Variants in RBM46 observed in about 807,000 individuals in gnomAD.
The protein encoded by RBM46 is probable RNA-binding protein 46.
A neutral mutation model predicts 43.3 loss-of-function variants in RBM46; 12 were observed. The observed-to-expected ratio is 0.28, with a 90% CI of 0.18 to 0.45. RBM46 has a LOEUF of 0.45. Among genes scored for constraint, RBM46 ranks in the 20% least tolerant of loss-of-function variants. The pLI is 1.00. For missense variants in RBM46, 412 were observed against 639.1 expected, an observed-to-expected ratio of 0.64 and a Z score of 3.83; for synonymous variants, 205 against 207.6, an observed-to-expected ratio of 0.99 and a Z score of 0.11.
intron 1 of RBM46, among the ~76,000 whole-genome samples, chr4:154,784,420 T>C (rs1283229859): frequency 6.6e-6 from 1 of 152,214 alleles, no homozygotes; most frequent in Non-Finnish European, 1.5e-5. Flanking sequence ...GTTAAGAAGG[T>C]TAAAATTAAA....
chr4:154,785,048 T>A (rs566807321), intron 1 of RBM46, among the ~76,000 whole-genome samples: 2 of 152,334 alleles, frequency 1.3e-5, no homozygotes, highest in South Asian at 4.1e-4. Context: ...TTGTGAATTA[T>A]ACACGTGCAT....
intron 1 of RBM46, among the ~76,000 whole-genome samples, chr4:154,782,638 A>C (rs918918821): frequency 6.6e-6 from 1 of 152,110 alleles, no homozygotes; most frequent in Non-Finnish European, 1.5e-5. Context: ...GGCGCGCGCC[A>C]CCACGCACAG....
intron 4 of RBM46, among the ~76,000 whole-genome samples, chr4:154,815,222 T>C (rs1245600946): frequency 2.0e-5 from 3 of 152,004 alleles, no homozygotes; most frequent in Non-Finnish European, 4.4e-5. Flanking sequence ...CTTGCTGTCT[T>C]TGTTGATGAA....
chr4:154,803,512 C>A (rs1172206831), intron 4 of RBM46, among the ~76,000 whole-genome samples: 1 of 151,654 alleles, frequency 6.6e-6, no homozygotes, highest in Non-Finnish European at 1.5e-5. Context: ...ACCATCCTGG[C>A]GAACACGGTG....
At chr4:154,819,689 A>G (rs1735635287) in intron 4 of RBM46, among the ~76,000 whole-genome samples, 2 of 151,992 alleles carry the variant, frequency 1.3e-5, no homozygotes, top group African/African-American at 2.4e-5. Context: ...CTAGTTTTCT[A>G]TAGGTTATCA....
chr4:154,816,665 C>T (rs1010680999), intron 4 of RBM46, among the ~76,000 whole-genome samples: 1 of 151,880 alleles, frequency 6.6e-6, no homozygotes, highest in African/African-American at 2.4e-5. Flanking sequence ...TCTTCCTTTC[C>T]ATCCTTTATA....
intron 1 of RBM46, among the ~76,000 whole-genome samples, chr4:154,796,020 T>C (rs565958659): frequency 1.3e-5 from 2 of 151,982 alleles, no homozygotes; most frequent in African/African-American, 2.4e-5. Context: ...AAACAAAAAT[T>C]AGCCAGGCAT....
intron 1 of RBM46, among the ~76,000 whole-genome samples, chr4:154,787,594 T>TGG (rs1221721046): frequency 6.6e-6 from 1 of 152,092 alleles, no homozygotes; most frequent in African/African-American, 2.4e-5. Context: ...TGATGGACAT[T>TGG]GGGGTTGGTG....
At chr4:154,785,737 A>C (rs1733726686) in intron 1 of RBM46, among the ~76,000 whole-genome samples, 1 of 151,846 alleles carries the variant, frequency 6.6e-6, no homozygotes, top group African/African-American at 2.4e-5. Context: ...GCCATTGAAG[A>C]CTCTCTGGAC....
rs1445301556 is a variant in RBM46 at position 154,798,171 on chromosome 4, T to C, written c.512T>C (p.Val171Ala). 8.1e-6 allele frequency: 13 copies of C among 1,613,730 alleles called. No individual in the cohort carries two copies. Among genetic ancestry groups the C allele is most frequent in the Non-Finnish European group, 1.1e-5 (13 of 1,179,898 alleles). The change falls in exon 3 of 5, where the codon GTC becomes GCC. Residue 171 changes from valine to alanine, a missense_variant. This residue lies in a region of RBM46 where 48 missense variants were observed against 78.9 expected (regional missense o/e 0.61). Coordinates refer to ENST00000281722, the MANE Select transcript of RBM46 (RefSeq NM_144979.5). Reference sequence around the variant, plus strand: ...AAAGTTACAGAAGGAGTTGTAGATGTCATTGTTTATCCAAGTGCAACTGAT... The same window carrying C: ...AAAGTTACAGAAGGAGTTGTAGATGCCATTGTTTATCCAAGTGCAACTGAT... ...MKKVTEGVVDVIVYPSATDKT... is the reference protein window; with the variant it reads ...MKKVTEGVVDAIVYPSATDKT...
intron 1 of RBM46, among the ~76,000 whole-genome samples, chr4:154,794,178 T>C (rs1035434671): frequency 1.4e-4 from 10 of 70,054 alleles, no homozygotes; most frequent in African/African-American, 5.6e-4. Context: ...TAGTAATCAC[T>C]TTTTTTTTTT....
chr4:154,789,291 A>G (rs924741286), intron 1 of RBM46, among the ~76,000 whole-genome samples: 2 of 152,194 alleles, frequency 1.3e-5, no homozygotes, highest in African/African-American at 4.8e-5. Context: ...TCGCCCATTC[A>G]GTATGATACT....
chr4:154,800,142 T>C (rs1219018372), intron 4 of RBM46, among the ~76,000 whole-genome samples: 1 of 152,196 alleles, frequency 6.6e-6, no homozygotes, highest in Non-Finnish European at 1.5e-5. Flanking sequence ...CCCTGTTTTA[T>C]TAATTTATTG....
chr4:154,806,873 C>G (rs1294285887), intron 4 of RBM46, among the ~76,000 whole-genome samples: 1 of 151,676 alleles, frequency 6.6e-6, no homozygotes, highest in Non-Finnish European at 1.5e-5. Context: ...TCAAAACATG[C>G]CATGTGGGGA....
chr4:154,786,613 A>G (rs1460158670), intron 1 of RBM46, among the ~76,000 whole-genome samples: 1 of 137,508 alleles, frequency 7.3e-6, no homozygotes, highest in Non-Finnish European at 1.5e-5. Flanking sequence ...GAGGATATTC[A>G]TCTTAAATCT....
chr4:154,819,355 A>C (rs1242154367), intron 4 of RBM46, among the ~76,000 whole-genome samples: 2 of 152,054 alleles, frequency 1.3e-5, no homozygotes. Flanking sequence ...TTGTCTTCCT[A>C]GCTTCATTTG....
Position 154,828,032 on chromosome 4 carries a change from C to T in RBM46, c.1567C>T (p.Arg523Trp), listed in dbSNP as rs202063380. ...SLANGSHVGQ[R>W]LCISNQASFF Reference sequence around the variant, plus strand: ...TGCTAATGGCAGCCATGTTGGACAGCGGCTATGTATCTCCAATCAGGCCTC... The same window carrying T: ...TGCTAATGGCAGCCATGTTGGACAGTGGCTATGTATCTCCAATCAGGCCTC... The change falls in exon 5 of 5, where the codon CGG (arginine) becomes TGG (tryptophan). Residue 523 changes from arginine to tryptophan, a missense_variant. Physicochemically the swap from Arg to Trp is moderately radical, Grantham distance 101. Around this residue, in one of 8 missense-constraint regions of RBM46, gnomAD observed 149 missense variants for 156.3 expected, o/e 0.95. Coordinates refer to ENST00000281722, the MANE Select transcript of RBM46 (RefSeq NM_144979.5). The T allele has an allele frequency of 1.6e-4, 252 of 1,613,588 alleles. No individual in the cohort carries two copies. In the Middle Eastern group the frequency reaches 2.0e-3, roughly 13 times the overall value.
intron 1 of RBM46, among the ~76,000 whole-genome samples, chr4:154,789,938 C>G (rs912743340): frequency 6.6e-6 from 1 of 152,176 alleles, no homozygotes; most frequent in East Asian, 1.9e-4. Context: ...TCCATTTCTT[C>G]TAGATTTTCT....
chr4:154,823,201 G>GA (rs1344078765), intron 4 of RBM46, among the ~76,000 whole-genome samples: 2 of 151,852 alleles, frequency 1.3e-5, no homozygotes, highest in Non-Finnish European at 3.0e-5. Flanking sequence ...AAAAAGTCCA[G>GA]AATAGGCAAG....
Sources: allele counts gnomAD v4.1 joint callset (sites outside exome capture counted in the v4.1 genomes callset), GRCh38; gene constraint gnomAD v4.1.1; regional missense constraint gnomAD v4.1.1; transcripts MANE v1.5; gene names NCBI Gene and HGNC (gene_info 2026-07-23, HGNC 2026-07-21).